METAP1D: variants seen among roughly 807,000 people sequenced by gnomAD.
The protein encoded by METAP1D is methionyl aminopeptidase type 1D, mitochondrial, also known as methionine aminopeptidase 1D, mitochondrial.
Under a neutral mutation model 40.5 loss-of-function variants are expected in METAP1D, and 31 were observed. The observed-to-expected ratio is 0.77, with a 90% CI of 0.58 to 1.03. METAP1D has a LOEUF of 1.03. Ranked by LOEUF, METAP1D falls within the 50% of genes least tolerant of loss-of-function variation. The pLI, the probability that METAP1D is intolerant of heterozygous loss-of-function variation, is 0.00. For synonymous variants in METAP1D, 151 were observed against 146.4 expected, an observed-to-expected ratio of 1.03 and a Z score of -0.22; for missense variants, 411 against 420.7, an observed-to-expected ratio of 0.98 and a Z score of 0.20.
intron 8 of METAP1D, 63 bp from the exon 9 acceptor site, chr2:172,080,065 C>A: frequency 7.0e-7 from 1 of 1,431,296 alleles, no homozygotes; most frequent in South Asian, 1.2e-5. Flanking sequence ...TAATAATCAG[C>A]CGGAAACAAT....
Position 172,042,743 on chromosome 2 carries a change from G to A in METAP1D, c.41-18755G>A, listed in dbSNP as rs1239671705. ...TGTGTACACATATACGTGTGTGTGT[G>A]TATATGTACACATATACGTGTGTGT... On this transcript the variant is annotated intron_variant, in intron 1 of 9. Transcript: ENST00000315796. Among the ~76,000 whole-genome samples, 10 of 11,912 alleles carry A rather than the reference G, an allele frequency of 8.4e-4. 1 individual carries two copies. Among genetic ancestry groups the A allele is most frequent in the South Asian group, 0.013 (1 of 78 alleles). The allele number at this position is 11,912 out of a possible 152,430, so 7.8% of individuals were successfully genotyped here.
intron 1 of METAP1D, among the ~76,000 whole-genome samples, chr2:172,033,539 A>G (rs1009323286): frequency 4.2e-4 from 64 of 151,684 alleles, no homozygotes; most frequent in African/African-American, 1.5e-3. Context: ...GTATTTTTAG[A>G]GAGGCAAGGT....
At chr2:172,000,707 T>G (rs776715963) in intron 1 of METAP1D, among the ~76,000 whole-genome samples, 21 of 152,190 alleles carry the variant, frequency 1.4e-4, no homozygotes, top group Non-Finnish European at 2.9e-4. Context: ...AACAGTTTTG[T>G]GAGGTAAATA....
At chr2:172,012,602 C>A (rs1688756494) in intron 1 of METAP1D, among the ~76,000 whole-genome samples, 1 of 152,146 alleles carries the variant, frequency 6.6e-6, no homozygotes. Context: ...GACAGTCTCG[C>A]AAAGCCAGTT....
chr2:172,025,938 A>G (rs1039515697), intron 1 of METAP1D, among the ~76,000 whole-genome samples: 4 of 152,346 alleles, frequency 2.6e-5, no homozygotes, highest in Admixed American at 2.6e-4. Context: ...TTTAGTAGGC[A>G]TCTCTAAAAT....
intron 1 of METAP1D, among the ~76,000 whole-genome samples, chr2:172,058,492 G>A (rs1260411645): frequency 6.6e-6 from 1 of 152,020 alleles, no homozygotes; most frequent in Non-Finnish European, 1.5e-5. Context: ...TTGTCATTAG[G>A]GAAATATTAT....
At chr2:172,066,831 A>C (rs788163) in intron 5 of METAP1D, among the ~76,000 whole-genome samples, 41,861 of 152,120 alleles carry the variant, frequency 0.28, 5,966 homozygotes, top group African/African-American at 0.34. Context: ...TTTTGCTAGC[A>C]GTGTTCCCTA....
At chr2:172,069,031 A>G (rs1404991296) in intron 5 of METAP1D, among the ~76,000 whole-genome samples, 2 of 151,794 alleles carry the variant, frequency 1.3e-5, no homozygotes. Flanking sequence ...TGATCCTTCT[A>G]CCGTAGCCTC....
chr2:172,060,764 C>A (rs1043684052), intron 1 of METAP1D, among the ~76,000 whole-genome samples: 29 of 152,162 alleles, frequency 1.9e-4, no homozygotes, highest in Admixed American at 2.0e-4. Flanking sequence ...TTGTTTCCCA[C>A]TTTCTTCTAC....
rs879149816 is a variant in METAP1D at position 172,082,003 on chromosome 2, G to A, written c.*1597G>A. ...CAGGGTTGTAGATTTTTGGATAGAG[G>A]TGTTTCTGATTCTAGTGAGTCTGAG... On this transcript the variant is annotated 3_prime_UTR_variant, in exon 10 of 10. Coordinates refer to ENST00000315796, the MANE Select transcript of METAP1D (RefSeq NM_199227.3). The A allele has an allele frequency of 6.6e-6, 1 of 152,246 alleles. No individual in the cohort carries two copies. Among genetic ancestry groups the A allele is most frequent in the Non-Finnish European group, 1.5e-5 (1 of 68,102 alleles). 9.4% of individuals were successfully genotyped at this position (152,246 alleles called of 1,614,324 possible).
At chr2:172,027,090 C>A (rs1689134914) in intron 1 of METAP1D, among the ~76,000 whole-genome samples, 1 of 152,182 alleles carries the variant, frequency 6.6e-6, no homozygotes, top group Admixed American at 6.5e-5. Flanking sequence ...TGAATGGAAT[C>A]ATTCCTTTAT....
intron 5 of METAP1D, among the ~76,000 whole-genome samples, chr2:172,066,931 T>C (rs1384384879): frequency 6.6e-6 from 1 of 152,238 alleles, no homozygotes; most frequent in Non-Finnish European, 1.5e-5. Flanking sequence ...TTTTTTTGTC[T>C]GAACTTAAGT....
chr2:172,044,642 C>T lies in METAP1D; in HGVS notation c.41-16856C>T, dbSNP rs190777393. On this transcript the variant is annotated intron_variant, in intron 1 of 9. Transcript: ENST00000315796. ...GGTGAAGAGGCTGGGCGTGGTGGCT[C>T]ACGCCTATAATCCCAGCAATTTGGG... 7.4e-5 allele frequency among the ~76,000 whole-genome samples: 10 copies of T among 134,458 alleles called. 2 individuals carry two copies. In the East Asian group the frequency reaches 2.0e-3, roughly 27 times the overall value. The allele number at this position is 134,458 out of a possible 152,430, so 88.2% of individuals were successfully genotyped here.
At chr2:172,063,631 G>A in intron 2 of METAP1D, 80 bp from the exon 3 acceptor site, 1 of 1,077,000 alleles carries the variant, frequency 9.3e-7, no homozygotes, top group Non-Finnish European at 1.4e-6. Flanking sequence ...GCTCCATGAA[G>A]CAGGAGGCTG....
At chr2:172,026,295 G>A (rs1046795890) in intron 1 of METAP1D, among the ~76,000 whole-genome samples, 4 of 151,994 alleles carry the variant, frequency 2.6e-5, no homozygotes, top group Admixed American at 2.0e-4. Flanking sequence ...CCTGTTTCCT[G>A]CAAATTGGTG....
intron 1 of METAP1D, among the ~76,000 whole-genome samples, chr2:172,040,107 G>A (rs554622456): frequency 1.3e-5 from 2 of 151,340 alleles, no homozygotes; most frequent in East Asian, 1.9e-4. Context: ...ACAGGCGCTC[G>A]CCATCACGCC....
chr2:172,030,351 CA>C (rs1689212713), intron 1 of METAP1D, among the ~76,000 whole-genome samples: 1 of 151,994 alleles, frequency 6.6e-6, no homozygotes, highest in South Asian at 2.1e-4. Context: ...CTCGGCCTCC[CA>C]AAATACTGGG....
At chr2:172,044,427 C>A (rs1418619378) in intron 1 of METAP1D, among the ~76,000 whole-genome samples, 5 of 92,170 alleles carry the variant, frequency 5.4e-5, no homozygotes, top group Non-Finnish European at 7.4e-5. Context: ...AAAAAAAAAA[C>A]CCAAAACAAA....
chr2:172,075,423 G>A (rs1690517242), intron 6 of METAP1D, among the ~76,000 whole-genome samples: 1 of 152,158 alleles, frequency 6.6e-6, no homozygotes, highest in African/African-American at 2.4e-5. Flanking sequence ...CTGGTGTTTG[G>A]GAGCACTTCG....
Sources: allele counts gnomAD v4.1 joint callset (sites outside exome capture counted in the v4.1 genomes callset), GRCh38; gene constraint gnomAD v4.1.1; transcripts MANE v1.5; gene names NCBI Gene and HGNC (gene_info 2026-07-23, HGNC 2026-07-21).